CRTAM: variants seen among roughly 807,000 people sequenced by gnomAD.
CRTAM encodes the protein cytotoxic and regulatory T cell molecule, also known as cytotoxic and regulatory T-cell molecule.
A neutral mutation model predicts 50.0 loss-of-function variants in CRTAM; 44 were observed. The ratio of observed to expected loss-of-function variants is 0.88; its 90% confidence interval spans 0.69 to 1.13. The LOEUF is 1.13. Among genes scored for constraint, CRTAM ranks in the 50% most tolerant of loss-of-function variants. The pLI is 0.00. For missense variants in CRTAM, 448 were observed against 457.5 expected (o/e 0.98, Z 0.19); for synonymous variants, 159 against 169.3 (o/e 0.94, Z 0.47).
At chr11:122,846,176 A>G (rs1484782718) in intron 1 of CRTAM, among the ~76,000 whole-genome samples, 2 of 152,240 alleles carry the variant, frequency 1.3e-5, no homozygotes, top group African/African-American at 4.8e-5. Flanking sequence ...CACGCCAAGT[A>G]TGCAGGATCT....
At chr11:122,866,312 T>C (rs754342978) in intron 7 of CRTAM, among the ~76,000 whole-genome samples, 14 of 152,164 alleles carry the variant, frequency 9.2e-5, no homozygotes, top group Non-Finnish European at 1.6e-4. Context: ...CTGAAAACTT[T>C]TTTGACCAAC....
intron 1 of CRTAM, among the ~76,000 whole-genome samples, chr11:122,844,151 A>C (rs980983926): frequency 6.6e-6 from 1 of 152,242 alleles, no homozygotes; most frequent in African/African-American, 2.4e-5. Context: ...TGCAAACATT[A>C]ATCTTAAGAC....
In CRTAM at chr11:122,850,244, A is replaced by G. The variant is rs201687183; in HGVS notation, c.193+30A>G. 3.8e-6 allele frequency: 6 copies of G among 1,571,990 alleles called. No homozygotes were observed. In the Admixed American group the frequency reaches 8.8e-5, roughly 23 times the overall value. On this transcript the variant is annotated intron_variant, in intron 2 of 9. Transcript: ENST00000227348. ...GTGAAAGAAAGAAAGAAAAAATGCCACCAGACCTTAACCTGAGGGTTTTTC... is the reference window on the plus strand; with the variant it reads ...GTGAAAGAAAGAAAGAAAAAATGCCGCCAGACCTTAACCTGAGGGTTTTTC...
At chr11:122,845,270 T>C (rs765860197) in intron 1 of CRTAM, among the ~76,000 whole-genome samples, 31 of 152,140 alleles carry the variant, frequency 2.0e-4, no homozygotes, top group Admixed American at 1.5e-3. Flanking sequence ...GGTCTGAGAA[T>C]GGAGCATTGG....
intron 7 of CRTAM, among the ~76,000 whole-genome samples, chr11:122,865,491 T>C (rs1049229372): frequency 6.6e-6 from 1 of 151,996 alleles, no homozygotes; most frequent in Non-Finnish European, 1.5e-5. Flanking sequence ...GGCACGATCA[T>C]GTTCACCGCA....
intron 2 of CRTAM, 86 bp downstream of exon 2, chr11:122,850,300 T>C: frequency 7.3e-7 from 1 of 1,371,172 alleles, no homozygotes; most frequent in Admixed American, 2.2e-5. Flanking sequence ...ACAGAAAGCC[T>C]GCATGAGTCA....
At chr11:122,863,971 A>G (rs1775336982) in intron 6 of CRTAM, among the ~76,000 whole-genome samples, 1 of 152,170 alleles carries the variant, frequency 6.6e-6, no homozygotes, top group Non-Finnish European at 1.5e-5. Flanking sequence ...GAAATTGGAA[A>G]CATCAGCAGT....
At chr11:122,861,517 C>T (rs1336516630) in intron 5 of CRTAM, among the ~76,000 whole-genome samples, 2 of 143,792 alleles carry the variant, frequency 1.4e-5, no homozygotes, top group African/African-American at 5.1e-5. Flanking sequence ...CTCACTGCAA[C>T]CTCTGCCTCC....
At chr11:122,849,155 G>A (rs1005976080) in intron 1 of CRTAM, among the ~76,000 whole-genome samples, 1 of 152,106 alleles carries the variant, frequency 6.6e-6, no homozygotes, top group African/African-American at 2.4e-5. Flanking sequence ...GGGTAACTCC[G>A]CAGTTCACCA....
intron 7 of CRTAM, among the ~76,000 whole-genome samples, chr11:122,865,893 T>A (rs1335412753): frequency 6.6e-6 from 1 of 152,164 alleles, no homozygotes; most frequent in African/African-American, 2.4e-5. Context: ...TTCCAAGAAC[T>A]TTTGAGTCTT....
At chr11:122,851,556 G>A in intron 2 of CRTAM, 137 bp from the exon 3 acceptor site, 1 of 771,226 alleles carries the variant, frequency 1.3e-6, no homozygotes, top group Non-Finnish European at 2.2e-6. Context: ...TTCCCGTGGA[G>A]ATAGGACAAT....
chr11:122,871,462 T>C lies in CRTAM; in HGVS notation c.*63T>C, dbSNP rs1180954498. The stretch of plus-strand genomic sequence containing the variant: ...GCAGTGTCACCTCAGTGGACCAGCC[T>C]GGGGGAAGGAGCTTAATTGCTGAGA... On this transcript the variant is annotated 3_prime_UTR_variant, in exon 10 of 10. Transcript: ENST00000227348. 15 of 1,472,114 alleles carry C rather than the reference T, an allele frequency of 1.0e-5. No homozygotes were observed. The highest frequency in any genetic ancestry group is 1.4e-5 in the Non-Finnish European group (15 of 1,080,488). The allele number at this position is 1,472,114 out of a possible 1,614,324, so 91.2% of individuals were successfully genotyped here.
intron 6 of CRTAM, among the ~76,000 whole-genome samples, chr11:122,862,967 G>A (rs1862107562): frequency 6.6e-6 from 1 of 152,216 alleles, no homozygotes; most frequent in Non-Finnish European, 1.5e-5. Flanking sequence ...AGCAGAAGCT[G>A]GAGATTTGGT....
intron 3 of CRTAM, 75 bp downstream of exon 3, chr11:122,851,920 T>G: frequency 2.9e-6 from 4 of 1,375,274 alleles, no homozygotes; most frequent in Non-Finnish European, 4.0e-6. Flanking sequence ...AAACTGAACC[T>G]TTTAGTTTAA....
At chr11:122,851,573 A>C in intron 2 of CRTAM, 120 bp from the exon 3 acceptor site, 1 of 859,514 alleles carries the variant, frequency 1.2e-6, no homozygotes, top group Non-Finnish European at 1.9e-6. Context: ...CAATGTCTGG[A>C]GATAGTTTTG....
At position 122,851,691 on chromosome 11, in the gene CRTAM, A is replaced by G. The variant is rs553546933; in HGVS notation, c.194-2A>G. 1 of 1,614,106 alleles carries G rather than the reference A, an allele frequency of 6.2e-7. No homozygotes were observed. Among genetic ancestry groups the G allele is most frequent in the East Asian group, 2.2e-5 (1 of 44,882 alleles). ...TAACAGCTCTATTTCCCTCTTGTAC[A>G]GCTTTAAAAAATTCCAAATACCAGC... On this transcript the variant is annotated splice_acceptor_variant, in intron 2 of 9. Transcript: ENST00000227348. LOFTEE classifies it high-confidence loss of function.
At chr11:122,864,747 A>T in intron 7 of CRTAM, 28 bp downstream of exon 7, 4 of 1,512,368 alleles carry the variant, frequency 2.6e-6, no homozygotes, top group Non-Finnish European at 3.7e-6. Context: ...CATTTAGAAT[A>T]AACACTCGAC....
Position 122,838,690 on chromosome 11 carries a change from G to A in CRTAM, c.46+98G>A, listed in dbSNP as rs1861761692. ...CAACTGCATTTACAGAGGAGCTGCT[G>A]TAGAAGACAACCCAGGTAACTGCTA... On this transcript the variant is annotated intron_variant, in intron 1 of 9. Coordinates refer to ENST00000227348, the MANE Select transcript of CRTAM (RefSeq NM_019604.4). The A allele has an allele frequency of 2.6e-6, 3 of 1,132,580 alleles. No homozygotes were observed. In the South Asian group the frequency reaches 4.0e-5, roughly 15 times the overall value. The allele number at this position is 1,132,580 out of a possible 1,614,324, so 70.2% of individuals were successfully genotyped here.
chr11:122,841,295 A>T (rs1245831924), intron 1 of CRTAM, among the ~76,000 whole-genome samples: 1 of 152,166 alleles, frequency 6.6e-6, no homozygotes, highest in Non-Finnish European at 1.5e-5. Context: ...AATGCATTGC[A>T]TGTCTCTGGC....
Sources: allele counts gnomAD v4.1 joint callset (sites outside exome capture counted in the v4.1 genomes callset), GRCh38; gene constraint gnomAD v4.1.1; transcripts MANE v1.5; gene names NCBI Gene and HGNC (gene_info 2026-07-23, HGNC 2026-07-21).